The following FBXL13 variants were observed in gnomAD, a reference collection of about 807,000 sequenced individuals.
FBXL13 encodes the protein F-box and leucine rich repeat protein 13.
Under a neutral mutation model 83.6 loss-of-function variants are expected in FBXL13, and 67 were observed. The observed-to-expected ratio is 0.80, with a 90% CI of 0.66 to 0.98. The LOEUF (loss-of-function observed/expected upper bound fraction) is 0.98. Ranked by LOEUF, FBXL13 falls within the 50% of genes least tolerant of loss-of-function variation. FBXL13 has a pLI of 0.00. For missense variants in FBXL13, 822 were observed against 866.5 expected (o/e 0.95, Z 0.64); for synonymous variants, 272 against 299.5 (o/e 0.91, Z 0.95).
At chr7:102,924,667 G>C (rs1425994765) in intron 10 of FBXL13, among the ~76,000 whole-genome samples, 2 of 146,350 alleles carry the variant, frequency 1.4e-5, no homozygotes, top group African/African-American at 2.5e-5. Flanking sequence ...TTTGAGATGG[G>C]GTCTCGCTCT....
intron 17 of FBXL13, among the ~76,000 whole-genome samples, chr7:102,850,462 A>C (rs1201646933): frequency 1.3e-5 from 2 of 152,238 alleles, no homozygotes; most frequent in African/African-American, 4.8e-5. Context: ...CCATATGAGA[A>C]ATATAACCCA....
intron 6 of FBXL13, among the ~76,000 whole-genome samples, chr7:102,984,819 T>A (rs1828753306): frequency 6.6e-6 from 1 of 152,210 alleles, no homozygotes; most frequent in African/African-American, 2.4e-5. Context: ...TCTAGTTCTA[T>A]CTGGGTTAGG....
intron 11 of FBXL13, among the ~76,000 whole-genome samples, chr7:102,910,948 C>T (rs764065874): frequency 1.3e-5 from 2 of 152,056 alleles, no homozygotes; most frequent in Non-Finnish European, 2.9e-5. Flanking sequence ...CTGGTAGAGA[C>T]GTGGGTCCCA....
At chr7:103,026,043 T>A (rs1394116948) in intron 5 of FBXL13, among the ~76,000 whole-genome samples, 1 of 151,286 alleles carries the variant, frequency 6.6e-6, no homozygotes, top group Non-Finnish European at 1.5e-5. Context: ...GCATAAATTA[T>A]ATATATTAAT....
chr7:103,008,005 T>C lies in FBXL13; in HGVS notation c.495+17058A>G, dbSNP rs149302410. On this transcript the variant is annotated intron_variant, in intron 6 of 19. Transcript: ENST00000313221. ...GAAGGCAATGAGGAGGCATGGCTTA[T>C]TGTAGGGTATTGGAGCCCAAGGCTG... Among the ~76,000 whole-genome samples the C allele has an allele frequency of 1.2e-3, 177 of 152,240 alleles. 1 individual carries two copies. The highest frequency in any genetic ancestry group is 3.8e-3 in the African/African-American group (157 of 41,548).
intron 8 of FBXL13, chr7:102,933,914 A>G: frequency 6.3e-7 from 1 of 1,595,514 alleles, no homozygotes; most frequent in Non-Finnish European, 8.6e-7. Flanking sequence ...GGATGTCAGG[A>G]TGCGTGTGGT....
chr7:102,881,578 G>T (rs915287940), intron 14 of FBXL13, among the ~76,000 whole-genome samples: 12 of 150,724 alleles, frequency 8.0e-5, no homozygotes, highest in South Asian at 4.2e-4. Context: ...GTGTGTGTGG[G>T]GGGGGTGGGT....
At chr7:102,968,024 C>T in exon 7 of FBXL13, 1 of 1,609,324 alleles carries the variant, frequency 6.2e-7, no homozygotes, top group Non-Finnish European at 8.5e-7. Flanking sequence ...CTACTTACAG[C>T]ATTCCACAGT....
At chr7:103,024,835 A>ATACATACATATATATGTATATATATGTG (rs1793679867) in intron 6 of FBXL13, among the ~76,000 whole-genome samples, 2 of 95,490 alleles carry the variant, frequency 2.1e-5, no homozygotes, top group Admixed American at 1.4e-4. Flanking sequence ...ATATATGTGT[A>ATACATACATATATATGTATATATATGTG]TATATATATA....
rs188744017 is a variant in FBXL13, at chr7:102,849,984, A to G, written c.1719+4793T>C. Among the ~76,000 whole-genome samples, 472 of 152,148 alleles carry G rather than the reference A, an allele frequency of 3.1e-3. 2 individuals are homozygous for G. The highest frequency in any genetic ancestry group is 2.6e-3 in the Non-Finnish European group (180 of 68,002). On this transcript the variant is annotated intron_variant, in intron 17 of 19. Coordinates refer to ENST00000313221, the Ensembl canonical transcript of FBXL13. ...TGAAACAAACCTGCATGTTCTGCAC[A>G]TGTATCCTGTTTTGTTTTGTTTTTT...
chr7:102,951,805 CAA>C lies in FBXL13; in HGVS notation c.724+11726_724+11727del, dbSNP rs5886239. 2.5e-3 allele frequency among the ~76,000 whole-genome samples: 218 copies of C among 88,048 alleles called. 2 individuals are homozygous for C. Among genetic ancestry groups the C allele is most frequent in the African/African-American group, 6.6e-3 (159 of 24,064 alleles). 57.8% of individuals were successfully genotyped at this position (88,048 alleles called of 152,430 possible). ...GGGCAACAAAGTGAAACTCTCTCTCCAAAAAAAAAAAAAAAAAAGATTGGAGT... is the reference window on the plus strand; with the variant it reads ...GGGCAACAAAGTGAAACTCTCTCTCCAAAAAAAAAAAAAAAAGATTGGAGT... On this transcript the variant is annotated intron_variant, in intron 8 of 19. Coordinates refer to ENST00000313221, the Ensembl canonical transcript of FBXL13.
intron 6 of FBXL13, among the ~76,000 whole-genome samples, chr7:103,023,586 C>T (rs1793478433): frequency 6.6e-6 from 1 of 152,158 alleles, no homozygotes; most frequent in Non-Finnish European, 1.5e-5. Flanking sequence ...GAACATAAAA[C>T]AGAATTGCCA....
At chr7:102,829,678 G>A (rs1800314018) in intron 18 of FBXL13, among the ~76,000 whole-genome samples, 1 of 152,118 alleles carries the variant, frequency 6.6e-6, no homozygotes, top group Admixed American at 6.5e-5. Flanking sequence ...TGTCGAGTAG[G>A]ATGAGGTCAC....
intron 17 of FBXL13, among the ~76,000 whole-genome samples, chr7:102,841,786 C>G (rs1391943723): frequency 3.9e-5 from 6 of 152,160 alleles, no homozygotes; most frequent in African/African-American, 1.4e-4. Context: ...CCAGTTGATT[C>G]CAGGTGTCTT....
At chr7:102,959,837 A>G (rs1824894113) in intron 8 of FBXL13, among the ~76,000 whole-genome samples, 1 of 152,152 alleles carries the variant, frequency 6.6e-6, no homozygotes, top group Non-Finnish European at 1.5e-5. Flanking sequence ...TAAATAAAGT[A>G]TGTTACATCT....
intron 10 of FBXL13, among the ~76,000 whole-genome samples, 187 bp from the exon 12 acceptor site, chr7:102,913,402 A>G (rs1410882508): frequency 3.3e-5 from 5 of 152,258 alleles, no homozygotes; most frequent in African/African-American, 1.2e-4. Context: ...AAGGTAACAC[A>G]CAATACATTT....
intron 2 of FBXL13, among the ~76,000 whole-genome samples, chr7:103,043,049 G>A (rs1039496969): frequency 6.6e-6 from 1 of 152,164 alleles, no homozygotes; most frequent in African/African-American, 2.4e-5. Flanking sequence ...TAGAATGGGA[G>A]AGAATCTTTG....
chr7:103,063,035 T>G (rs1039840822), intron 1 of FBXL13, among the ~76,000 whole-genome samples: 6 of 152,228 alleles, frequency 3.9e-5, no homozygotes, highest in African/African-American at 1.4e-4. Flanking sequence ...TTAAGTTACT[T>G]GTTTAACTTG....
At chr7:103,055,842 T>G in intron 1 of FBXL13, 95 bp from the exon 2 acceptor site, 1 of 523,808 alleles carries the variant, frequency 1.9e-6, no homozygotes. Flanking sequence ...TGTTTTGGGT[T>G]TTTTTGGTTT....
Sources: gnomAD v4.1 joint callset for allele counts (sites outside exome capture counted in the v4.1 genomes callset) on GRCh38, gnomAD v4.1.1 for gene constraint, MANE v1.5 for transcripts, NCBI Gene and HGNC (gene_info 2026-07-23, HGNC 2026-07-21) for gene names.